The following NRG1 variants were observed in gnomAD, a reference collection of about 807,000 sequenced individuals.
The protein encoded by NRG1 is pro-neuregulin-1, membrane-bound isoform.
Under a neutral mutation model 63.8 loss-of-function variants are expected in NRG1, and 18 were observed. The ratio of observed to expected loss-of-function variants is 0.28; its 90% confidence interval spans 0.19 to 0.42. The LOEUF (loss-of-function observed/expected upper bound fraction) is 0.42, where lower values mean the gene tolerates loss of function less well. NRG1 is among the 10% of genes least tolerant of loss of function. The pLI is 1.00. For synonymous variants in NRG1, 302 were observed against 301.3 expected (o/e 1.00, Z -0.02); for missense variants, 762 against 814.7 (o/e 0.94, Z 0.79).
chr8:32,369,992 C>T (rs934963832), intron 1 of NRG1, among the ~76,000 whole-genome samples: 4 of 151,026 alleles, frequency 2.6e-5, no homozygotes, highest in Non-Finnish European at 5.9e-5. Context: ...GAGCAAGAGG[C>T]AAAGTGATAT....
chr8:32,127,029 T>C (rs956887466), intron 1 of NRG1, among the ~76,000 whole-genome samples: 2 of 151,816 alleles, frequency 1.3e-5, no homozygotes, highest in African/African-American at 4.8e-5. Flanking sequence ...TTATGACTAG[T>C]TGGGTTTGGT....
At chr8:32,217,055 A>C (rs1034861870) in intron 1 of NRG1, among the ~76,000 whole-genome samples, 2 of 151,902 alleles carry the variant, frequency 1.3e-5, no homozygotes, top group Non-Finnish European at 2.9e-5. Flanking sequence ...TCTACTAAAA[A>C]TATAAAAATT....
chr8:31,777,308 A>G (rs1819241718), intron 1 of NRG1, among the ~76,000 whole-genome samples: 1 of 152,168 alleles, frequency 6.6e-6, no homozygotes, highest in South Asian at 2.1e-4. Flanking sequence ...TTCATCTATT[A>G]ATTTGTTTAG....
intron 1 of NRG1, among the ~76,000 whole-genome samples, chr8:32,453,027 A>C (rs1821159701): frequency 6.6e-6 from 1 of 152,182 alleles, no homozygotes; most frequent in African/African-American, 2.4e-5. Flanking sequence ...GTTAAGTAGA[A>C]AATTCCAAGA....
chr8:32,647,304 A>T, intron 5 of NRG1: 1 of 985,240 alleles, frequency 1.0e-6, no homozygotes. Flanking sequence ...CCTGCATGAC[A>T]GTTGTTTTCT....
chr8:32,261,397 G>A (rs990242973), intron 1 of NRG1, among the ~76,000 whole-genome samples: 1 of 150,474 alleles, frequency 6.6e-6, no homozygotes, highest in Admixed American at 6.7e-5. Flanking sequence ...GTGCTGGTGT[G>A]TGTATATCTT....
intron 1 of NRG1, among the ~76,000 whole-genome samples, chr8:32,302,161 T>C (rs1855645180): frequency 6.6e-6 from 1 of 152,192 alleles, no homozygotes; most frequent in African/African-American, 2.4e-5. Context: ...TTCGTCATGT[T>C]ATGGTCTTGG....
intron 1 of NRG1, among the ~76,000 whole-genome samples, chr8:32,182,791 GA>G (rs1009804109): frequency 1.3e-5 from 2 of 150,660 alleles, no homozygotes; most frequent in East Asian, 1.9e-4. Context: ...TTTTTGCTGT[GA>G]AAAAAAAATC....
chr8:31,661,846 T>C (rs894026150), intron 1 of NRG1, among the ~76,000 whole-genome samples: 5 of 152,230 alleles, frequency 3.3e-5, no homozygotes, highest in African/African-American at 1.2e-4. Flanking sequence ...TGAGCACTTA[T>C]CATGAGCCAA....
At chr8:32,472,920 A>G (rs1301733378) in intron 1 of NRG1, among the ~76,000 whole-genome samples, 1 of 152,164 alleles carries the variant, frequency 6.6e-6, no homozygotes, top group African/African-American at 2.4e-5. Flanking sequence ...TTACTGTCAA[A>G]TTTCTCCTGG....
chr8:32,599,538 TATG>T (rs1161746587), intron 2 of NRG1, among the ~76,000 whole-genome samples: 1 of 152,230 alleles, frequency 6.6e-6, no homozygotes, highest in African/African-American at 2.4e-5. Context: ...GTGTTCTTTG[TATG>T]ATTTTTGAAT....
chr8:32,024,256 GC>G (rs1276999467), intron 1 of NRG1, among the ~76,000 whole-genome samples: 1 of 152,186 alleles, frequency 6.6e-6, no homozygotes, highest in Non-Finnish European at 1.5e-5. Flanking sequence ...AACTGTAAGA[GC>G]ATCACTGCTG....
At chr8:32,562,398 C>G (rs1386727178) in intron 1 of NRG1, among the ~76,000 whole-genome samples, 1 of 152,096 alleles carries the variant, frequency 6.6e-6, no homozygotes, top group Non-Finnish European at 1.5e-5. Context: ...CAGGCATATA[C>G]CACCATGCTC....
intron 5 of NRG1, among the ~76,000 whole-genome samples, chr8:32,721,235 A>G (rs112584530): frequency 5.3e-5 from 8 of 152,326 alleles, no homozygotes; most frequent in East Asian, 3.9e-4. Context: ...CCTTTAAAAT[A>G]TAGGATAAAC....
At chr8:32,376,745 C>T (rs1397634328) in intron 1 of NRG1, among the ~76,000 whole-genome samples, 1 of 152,192 alleles carries the variant, frequency 6.6e-6, no homozygotes, top group Non-Finnish European at 1.5e-5. Flanking sequence ...TGAAACCTGG[C>T]TGCTGCAGCT....
At chr8:32,461,585 C>T (rs1324518384) in intron 1 of NRG1, among the ~76,000 whole-genome samples, 1 of 152,008 alleles carries the variant, frequency 6.6e-6, no homozygotes, top group Non-Finnish European at 1.5e-5. Context: ...GTAATCCCAG[C>T]TATTTGGGAG....
rs375066054 is a variant in NRG1 at position 32,265,075 on chromosome 8, C to T, written c.38-330753C>T. 1.2e-4 allele frequency among the ~76,000 whole-genome samples: 18 copies of T among 152,206 alleles called. 1 individual carries two copies. The highest frequency in any genetic ancestry group is 3.4e-4 in the African/African-American group (14 of 41,530). The stretch of plus-strand genomic sequence containing the variant: ...CTATCAGGCCGGGTGCAGTGACTCA[C>T]GCCTGTAATCCAAGCACTGTGGGAG... On this transcript the variant is annotated intron_variant, in intron 1 of 10. Transcript: ENST00000519301.
At chr8:31,862,536 A>G (rs981373687) in intron 1 of NRG1, among the ~76,000 whole-genome samples, 58 of 152,150 alleles carry the variant, frequency 3.8e-4, no homozygotes, top group African/African-American at 1.4e-3. Flanking sequence ...TTTGAACTTG[A>G]TTTGGGCAAC....
At chr8:32,398,454 A>G (rs915814068) in intron 1 of NRG1, among the ~76,000 whole-genome samples, 7 of 149,714 alleles carry the variant, frequency 4.7e-5, no homozygotes, top group African/African-American at 1.7e-4. Context: ...TCTGTTACCC[A>G]GGCTGGAGTG....
Sources: allele counts gnomAD v4.1 joint callset (sites outside exome capture counted in the v4.1 genomes callset), GRCh38; gene constraint gnomAD v4.1.1; transcripts MANE v1.5; gene names NCBI Gene and HGNC (gene_info 2026-07-23, HGNC 2026-07-21).